The following GRB2 variants were observed in gnomAD, a reference collection of about 807,000 sequenced individuals.
GRB2 encodes the protein growth factor receptor bound protein 2, also known as growth factor receptor-bound protein 2.
In GRB2, 2 loss-of-function variants were observed where a neutral mutation model predicts 27.4. That is an observed-to-expected ratio of 0.07 (90% confidence interval 0.03 to 0.23). The LOEUF (loss-of-function observed/expected upper bound fraction) is 0.23, where lower values mean the gene tolerates loss of function less well. Among genes scored for constraint, GRB2 ranks in the 10% least tolerant of loss-of-function variants. The probability of loss-of-function intolerance (pLI) is 1.00; values close to 1 mark genes in which losing one functional copy is unlikely to be tolerated. For missense variants in GRB2, 102 were observed against 282.4 expected (o/e 0.36, Z 4.58); for synonymous variants, 94 against 99.6 (o/e 0.94, Z 0.33).
At chr17:75,368,876 T>C (rs1004153489) in intron 2 of GRB2, among the ~76,000 whole-genome samples, 2 of 152,180 alleles carry the variant, frequency 1.3e-5, no homozygotes, top group African/African-American at 4.8e-5. Context: ...TCCACTAACA[T>C]ACTCCATCAG....
intron 2 of GRB2, among the ~76,000 whole-genome samples, chr17:75,383,327 ACT>A (rs2078941906): frequency 6.6e-6 from 1 of 152,078 alleles, no homozygotes; most frequent in Non-Finnish European, 1.5e-5. Flanking sequence ...CTCCATCAAT[ACT>A]GTGCTTTCAG....
chr17:75,338,428 T>C (rs2078596408), intron 2 of GRB2, among the ~76,000 whole-genome samples: 1 of 152,196 alleles, frequency 6.6e-6, no homozygotes, highest in African/African-American at 2.4e-5. Context: ...CATCACTGTG[T>C]CTTCACTTGC....
chr17:75,340,186 G>A (rs1421662853), intron 2 of GRB2, among the ~76,000 whole-genome samples: 2 of 152,152 alleles, frequency 1.3e-5, no homozygotes, highest in Non-Finnish European at 2.9e-5. Context: ...CATTTCTTCA[G>A]GGAAAAATTA....
intron 2 of GRB2, among the ~76,000 whole-genome samples, chr17:75,361,404 T>C (rs2078780801): frequency 6.6e-6 from 1 of 152,188 alleles, no homozygotes; most frequent in South Asian, 2.1e-4. Context: ...TGGTCTCCTA[T>C]GCTGTGGGAA....
At chr17:75,332,061 G>A (rs560770572) in intron 3 of GRB2, among the ~76,000 whole-genome samples, 4 of 152,296 alleles carry the variant, frequency 2.6e-5, no homozygotes, top group African/African-American at 9.6e-5. Flanking sequence ...TGTGCTAGGA[G>A]CAGGGCCTGT....
At chr17:75,389,512 C>T (rs941702576) in intron 2 of GRB2, among the ~76,000 whole-genome samples, 1 of 152,120 alleles carries the variant, frequency 6.6e-6, no homozygotes, top group Non-Finnish European at 1.5e-5. Context: ...TATGGGCCAC[C>T]ATTTCCTCAT....
At chr17:75,363,859 CAAAAAAAAAAAAAAAAAAAAAAAAA>C (rs55746272) in intron 2 of GRB2, among the ~76,000 whole-genome samples, 1 of 58,536 alleles carries the variant, frequency 1.7e-5, no homozygotes, top group African/African-American at 6.9e-5. Context: ...GACTCCGTCT[CAAAAAAAAAAAAAAAAAAAAAAAAA>C]AAAAAAAAAA....
chr17:75,323,468 A>G (rs2078474539), intron 4 of GRB2, among the ~76,000 whole-genome samples: 1 of 152,342 alleles, frequency 6.6e-6, no homozygotes, highest in South Asian at 2.1e-4. Context: ...TTCAAATCAC[A>G]GGCTCAAAAC....
intron 4 of GRB2, 107 bp from the exon 5 acceptor site, chr17:75,321,934 C>T (rs781453203): frequency 2.4e-5 from 26 of 1,069,730 alleles, no homozygotes; most frequent in Non-Finnish European, 3.3e-5. Context: ...CCCAGCAGCA[C>T]TCCTCAGGGA....
chr17:75,344,861 C>T (rs1038504608), intron 2 of GRB2, among the ~76,000 whole-genome samples: 3 of 151,794 alleles, frequency 2.0e-5, no homozygotes, highest in African/African-American at 7.3e-5. Flanking sequence ...CCCAACCCCC[C>T]CGCCTGGGGG....
chr17:75,391,780 C>T (rs1037200196), intron 2 of GRB2, among the ~76,000 whole-genome samples: 6 of 147,146 alleles, frequency 4.1e-5, no homozygotes, highest in Admixed American at 2.8e-4. Context: ...CGCACTCCAG[C>T]CTGGGTGACA....
chr17:75,396,507 C>T lies in GRB2; in HGVS notation c.-137-2742G>A, dbSNP rs118182793. 4.8e-3 allele frequency among the ~76,000 whole-genome samples: 725 copies of T among 152,216 alleles called. 1 individual carries two copies. Among genetic ancestry groups the T allele is most frequent in the Non-Finnish European group, 8.5e-3 (576 of 68,012 alleles). ...ATGGTCTCTAGAGGCAGGCCCCTCA[C>T]GCTAACTGCTACAATTTTGGGCAAA... is the stretch of plus-strand genomic sequence containing the variant. On this transcript the variant is annotated intron_variant, in intron 1 of 5. Transcript: ENST00000316804.
chr17:75,326,921 T>C (rs1291275597), intron 3 of GRB2, among the ~76,000 whole-genome samples: 1 of 151,586 alleles, frequency 6.6e-6, no homozygotes, highest in African/African-American at 2.4e-5. Context: ...AAATTGTCTT[T>C]AGTTATCATT....
chr17:75,327,569 CCA>C (rs937414410), intron 3 of GRB2, among the ~76,000 whole-genome samples: 16 of 151,492 alleles, frequency 1.1e-4, no homozygotes, highest in African/African-American at 3.9e-4. Context: ...CGGGGTTTCA[CCA>C]TATTGGCCAG....
chr17:75,388,713 C>A (rs990035335), intron 2 of GRB2, among the ~76,000 whole-genome samples: 28 of 151,790 alleles, frequency 1.8e-4, no homozygotes, highest in Middle Eastern at 6.8e-3. Context: ...GCAGGTGGGG[C>A]CTTCAGGCTT....
chr17:75,387,164 CAA>C (rs938176143), intron 2 of GRB2, among the ~76,000 whole-genome samples: 5 of 134,696 alleles, frequency 3.7e-5, no homozygotes, highest in Non-Finnish European at 8.0e-5. Context: ...GACTCCATCT[CAA>C]AAAAAAAAAG....
chr17:75,343,408 G>C (rs1255811051), intron 2 of GRB2, among the ~76,000 whole-genome samples: 1 of 152,136 alleles, frequency 6.6e-6, no homozygotes, highest in Non-Finnish European at 1.5e-5. Flanking sequence ...AAGAGACCAG[G>C]ACTATTCATG....
At chr17:75,365,337 G>A (rs762114115) in intron 2 of GRB2, among the ~76,000 whole-genome samples, 1 of 152,086 alleles carries the variant, frequency 6.6e-6, no homozygotes, top group Non-Finnish European at 1.5e-5. Context: ...CTCTAAATTA[G>A]AACCATTTAA....
intron 2 of GRB2, among the ~76,000 whole-genome samples, chr17:75,340,762 C>T (rs1339073368): frequency 6.6e-6 from 1 of 152,186 alleles, no homozygotes; most frequent in Non-Finnish European, 1.5e-5. Context: ...TCACCACCTC[C>T]ATCTGTTACA....
Sources: allele counts gnomAD v4.1 joint callset (sites outside exome capture counted in the v4.1 genomes callset), GRCh38; gene constraint gnomAD v4.1.1; transcripts MANE v1.5; gene names NCBI Gene and HGNC (gene_info 2026-07-23, HGNC 2026-07-21).